The following SRPK2 variants were observed in gnomAD, a reference collection of about 807,000 sequenced individuals.
SRPK2 encodes SFRS protein kinase 2.
SRPK2 carries 21 observed loss-of-function variants against 90.8 expected under a neutral mutation model. The observed-to-expected ratio is 0.23, with a 90% CI of 0.16 to 0.33. The LOEUF is 0.33. Among genes scored for constraint, SRPK2 ranks in the 10% least tolerant of loss-of-function variants. The pLI, the probability that SRPK2 is intolerant of heterozygous loss-of-function variation, is 1.00. For missense variants in SRPK2, 620 were observed against 869.0 expected, an observed-to-expected ratio of 0.71 and a Z score of 3.60; for synonymous variants, 288 against 311.1, an observed-to-expected ratio of 0.93 and a Z score of 0.78.
At chr7:105,305,251 C>T (rs1036506551) in intron 2 of SRPK2, among the ~76,000 whole-genome samples, 1 of 152,076 alleles carries the variant, frequency 6.6e-6, no homozygotes, top group Non-Finnish European at 1.5e-5. Context: ...GCCAGCCTGA[C>T]CCACATAGTG....
At chr7:105,170,971 A>G (rs866740743) in intron 3 of SRPK2, among the ~76,000 whole-genome samples, 3 of 81,288 alleles carry the variant, frequency 3.7e-5, no homozygotes, top group East Asian at 5.4e-4. Context: ...AAGAAAGAGA[A>G]AGAAAGAGAA....
intron 2 of SRPK2, among the ~76,000 whole-genome samples, chr7:105,268,016 T>G (rs191150900): frequency 2.9e-3 from 449 of 152,334 alleles, no homozygotes; most frequent in Non-Finnish European, 5.2e-3. Context: ...ACTATTTTGG[T>G]AAACAGAACT....
At chr7:105,316,948 T>A (rs987779378) in intron 2 of SRPK2, among the ~76,000 whole-genome samples, 2 of 152,216 alleles carry the variant, frequency 1.3e-5, no homozygotes, top group Admixed American at 6.5e-5. Context: ...TGAATAGGAA[T>A]GTCATAAACA....
At chr7:105,256,222 G>A (rs1390026616) in intron 2 of SRPK2, among the ~76,000 whole-genome samples, 5 of 152,148 alleles carry the variant, frequency 3.3e-5, no homozygotes. Context: ...CACAAATTGA[G>A]AATCAATGTG....
intron 2 of SRPK2, among the ~76,000 whole-genome samples, chr7:105,267,756 G>C (rs1230955491): frequency 6.6e-6 from 1 of 151,954 alleles, no homozygotes; most frequent in Non-Finnish European, 1.5e-5. Context: ...TACCATGGTA[G>C]GTTCTTCAAC....
intron 2 of SRPK2, among the ~76,000 whole-genome samples, chr7:105,212,630 A>G (rs1796995945): frequency 6.6e-6 from 1 of 152,252 alleles, no homozygotes; most frequent in African/African-American, 2.4e-5. Context: ...GTAGCCACTG[A>G]AATGCAACCA....
At chr7:105,301,957 A>G (rs1265968158) in intron 2 of SRPK2, 34 of 1,609,260 alleles carry the variant, frequency 2.1e-5, no homozygotes, top group Non-Finnish European at 2.8e-5. Context: ...ACAAAAAAGA[A>G]TAACTTTCAA....
At chr7:105,349,791 T>C (rs543965738) in intron 2 of SRPK2, among the ~76,000 whole-genome samples, 1 of 152,240 alleles carries the variant, frequency 6.6e-6, no homozygotes, top group South Asian at 2.1e-4. Context: ...CAGGCTGGTG[T>C]GCAGTGCCGT....
At chr7:105,133,228 A>C in intron 11 of SRPK2, 124 bp from the exon 12 acceptor site, 1 of 845,480 alleles carries the variant, frequency 1.2e-6, no homozygotes, top group Non-Finnish European at 1.9e-6. Flanking sequence ...TAGGCCTGGA[A>C]TACTGTAAAT....
intron 2 of SRPK2, among the ~76,000 whole-genome samples, chr7:105,252,823 A>G (rs1251829425): frequency 6.7e-6 from 1 of 149,746 alleles, no homozygotes; most frequent in Non-Finnish European, 1.5e-5. Context: ...GCTCACTGCA[A>G]CCTCCTGTCT....
intron 2 of SRPK2, among the ~76,000 whole-genome samples, chr7:105,356,512 A>C (rs1817799281): frequency 6.6e-6 from 1 of 152,212 alleles, no homozygotes; most frequent in Admixed American, 6.6e-5. Flanking sequence ...CAGAATGCCC[A>C]ATACACAATA....
At chr7:105,346,441 TG>T (rs1437616287) in intron 2 of SRPK2, among the ~76,000 whole-genome samples, 1 of 151,954 alleles carries the variant, frequency 6.6e-6, no homozygotes, top group Non-Finnish European at 1.5e-5. Flanking sequence ...GTCAATAAAC[TG>T]TAAGTCTCCA....
intron 2 of SRPK2, among the ~76,000 whole-genome samples, chr7:105,246,202 G>C (rs1801637572): frequency 6.6e-6 from 1 of 152,096 alleles, no homozygotes; most frequent in Non-Finnish European, 1.5e-5. Flanking sequence ...AACACAGACA[G>C]AAAGTTACAC....
chr7:105,170,064 T>C (rs975915885), intron 3 of SRPK2, among the ~76,000 whole-genome samples: 1 of 151,948 alleles, frequency 6.6e-6, no homozygotes, highest in African/African-American at 2.4e-5. Context: ...AATCCGCACA[T>C]CTCCCCTCCC....
intron 2 of SRPK2, among the ~76,000 whole-genome samples, chr7:105,242,783 T>C (rs190391955): frequency 2.0e-5 from 3 of 152,176 alleles, no homozygotes; most frequent in Non-Finnish European, 2.9e-5. Flanking sequence ...CAATGAACCA[T>C]GTTCACCATT....
At chr7:105,352,416 C>T (rs1200865026) in intron 2 of SRPK2, among the ~76,000 whole-genome samples, 8 of 152,228 alleles carry the variant, frequency 5.3e-5, no homozygotes, top group Non-Finnish European at 1.2e-4. Flanking sequence ...GAGCAACAGG[C>T]AAGGCCTCCT....
chr7:105,380,514 T>C (rs887305986), intron 2 of SRPK2, among the ~76,000 whole-genome samples: 4 of 141,878 alleles, frequency 2.8e-5, no homozygotes, highest in South Asian at 4.6e-4. Flanking sequence ...TAAATTAACA[T>C]GCTAAAATTT....
intron 2 of SRPK2, among the ~76,000 whole-genome samples, chr7:105,214,876 G>GA (rs1214683518): frequency 6.6e-6 from 1 of 152,096 alleles, no homozygotes; most frequent in Non-Finnish European, 1.5e-5. Context: ...CAAGGTCCCA[G>GA]AATAGTCAAA....
chr7:105,186,523 A>G (rs1165750300), intron 3 of SRPK2, among the ~76,000 whole-genome samples: 1 of 152,174 alleles, frequency 6.6e-6, no homozygotes, highest in Non-Finnish European at 1.5e-5. Flanking sequence ...AAAGGAAATC[A>G]TTTCATTCTC....
Sources: allele counts gnomAD v4.1 joint callset (sites outside exome capture counted in the v4.1 genomes callset), GRCh38; gene constraint gnomAD v4.1.1; transcripts MANE v1.5; gene names NCBI Gene and HGNC (gene_info 2026-07-23, HGNC 2026-07-21).